Variants in ZMIZ1 observed in about 807,000 individuals in gnomAD.
ZMIZ1 encodes zinc finger MIZ domain-containing protein 1.
Under a neutral mutation model 113.9 loss-of-function variants are expected in ZMIZ1, and 17 were observed. That is an observed-to-expected ratio of 0.15 (90% confidence interval 0.10 to 0.22). The LOEUF (loss-of-function observed/expected upper bound fraction) is 0.22. Ranked by LOEUF, ZMIZ1 falls within the 10% of genes least tolerant of loss-of-function variation. The pLI is 1.00. For synonymous variants in ZMIZ1, 607 were observed against 603.1 expected (o/e 1.01, Z -0.09); for missense variants, 1,059 against 1,477.8 (o/e 0.72, Z 4.65).
At chr10:79,305,371 C>T (rs1854617038) in intron 20 of ZMIZ1, 140 bp downstream of exon 20, 1 of 1,215,850 alleles carries the variant, frequency 8.2e-7, no homozygotes, top group South Asian at 1.3e-5. Context: ...ATGGGGGCTC[C>T]AGGTGGTCCC....
chr10:79,303,454 CAAAAAAAA>C (rs34154193), intron 18 of ZMIZ1, among the ~76,000 whole-genome samples: 6 of 65,930 alleles, frequency 9.1e-5, no homozygotes, highest in African/African-American at 3.7e-4. Flanking sequence ...GACACTGCCA[CAAAAAAAA>C]AAAAAAAAAA....
At chr10:79,086,190 C>T (rs1030138452) in intron 1 of ZMIZ1, among the ~76,000 whole-genome samples, 16 of 152,188 alleles carry the variant, frequency 1.1e-4, no homozygotes, top group Non-Finnish European at 1.9e-4. Context: ...CGGGGATTTG[C>T]ACTTCACCGT....
At chr10:79,246,331 C>T (rs1850194382) in intron 7 of ZMIZ1, among the ~76,000 whole-genome samples, 1 of 152,240 alleles carries the variant, frequency 6.6e-6, no homozygotes. Flanking sequence ...TGAAGTCATC[C>T]ATTGATCGGG....
chr10:79,210,824 T>G (rs917955879), intron 6 of ZMIZ1, among the ~76,000 whole-genome samples: 2 of 152,120 alleles, frequency 1.3e-5, no homozygotes, highest in South Asian at 2.1e-4. Context: ...GCAGGAGCTC[T>G]GAAGGGAGCA....
At chr10:79,306,836 A>G (rs1209975807) in intron 22 of ZMIZ1, among the ~76,000 whole-genome samples, 1 of 152,262 alleles carries the variant, frequency 6.6e-6, no homozygotes. Context: ...TTAGGTCCCC[A>G]TGAGAGGCCC....
intron 2 of ZMIZ1, among the ~76,000 whole-genome samples, chr10:79,137,429 G>A (rs1750896746): frequency 6.6e-6 from 1 of 152,216 alleles, no homozygotes; most frequent in Non-Finnish European, 1.5e-5. Flanking sequence ...GAGGCTTAGT[G>A]GCCAGCCCTG....
chr10:79,309,186 T>G (rs1854939107), intron 23 of ZMIZ1, among the ~76,000 whole-genome samples: 1 of 152,234 alleles, frequency 6.6e-6, no homozygotes, highest in East Asian at 1.9e-4. Flanking sequence ...CAGATGCTGC[T>G]GCCCCCACAG....
At chr10:79,165,980 G>C (rs1428938675) in intron 4 of ZMIZ1, among the ~76,000 whole-genome samples, 2 of 149,928 alleles carry the variant, frequency 1.3e-5, no homozygotes, top group African/African-American at 2.5e-5. Flanking sequence ...GTGTGTGTGT[G>C]TGTGTGTGTG....
intron 7 of ZMIZ1, among the ~76,000 whole-genome samples, chr10:79,226,034 AAC>A (rs1849187303): frequency 6.6e-6 from 1 of 152,198 alleles, no homozygotes; most frequent in African/African-American, 2.4e-5. Flanking sequence ...AGGGCCTACA[AAC>A]ACATACACAT....
At chr10:79,223,807 A>C (rs1849090120) in intron 7 of ZMIZ1, among the ~76,000 whole-genome samples, 1 of 152,274 alleles carries the variant, frequency 6.6e-6, no homozygotes, top group East Asian at 1.9e-4. Flanking sequence ...GGCCTGGGCC[A>C]GGGGCCCTGG....
chr10:79,231,471 T>C (rs1849390116), intron 7 of ZMIZ1, among the ~76,000 whole-genome samples: 2 of 152,202 alleles, frequency 1.3e-5, no homozygotes, highest in Admixed American at 1.3e-4. Context: ...CTTGAACTCC[T>C]GAACTCAGGT....
At chr10:79,254,449 G>A (rs968042774) in intron 7 of ZMIZ1, among the ~76,000 whole-genome samples, 5 of 152,244 alleles carry the variant, frequency 3.3e-5, no homozygotes, top group Admixed American at 6.5e-5. Context: ...CGGGCTGGAC[G>A]GCCCTTGGCC....
intron 7 of ZMIZ1, among the ~76,000 whole-genome samples, chr10:79,218,674 G>A (rs557009206): frequency 6.6e-6 from 1 of 152,016 alleles, no homozygotes; most frequent in African/African-American, 2.4e-5. Context: ...AGTGAAGGAT[G>A]GCAAGGGGGT....
chr10:79,295,873 T>TTA (rs1343318115), intron 12 of ZMIZ1: 4 of 152,380 alleles, frequency 2.6e-5, no homozygotes, highest in African/African-American at 9.7e-5. Context: ...TCTCTCCTCT[T>TTA]CTCTAAATTG....
intron 1 of ZMIZ1, among the ~76,000 whole-genome samples, chr10:79,095,215 G>A (rs923464293): frequency 7.2e-5 from 11 of 152,204 alleles, no homozygotes; most frequent in Non-Finnish European, 1.6e-4. Flanking sequence ...ATATGCTCAT[G>A]TACACTTAGT....
chr10:79,148,551 C>T (rs974381104), intron 3 of ZMIZ1, among the ~76,000 whole-genome samples: 3 of 152,222 alleles, frequency 2.0e-5, no homozygotes, highest in Non-Finnish European at 4.4e-5. Flanking sequence ...TAGGAAACGC[C>T]TGTCCGGAAA....
intron 1 of ZMIZ1, among the ~76,000 whole-genome samples, chr10:79,106,361 A>G (rs1376630610): frequency 6.6e-6 from 1 of 152,244 alleles, no homozygotes; most frequent in African/African-American, 2.4e-5. Context: ...CTGGAGTGCT[A>G]TACAGAATAG....
intron 4 of ZMIZ1, among the ~76,000 whole-genome samples, chr10:79,165,966 G>GTCTGGGCTCTTCCTGCAGCTCAGC (rs1564692752): frequency 6.8e-6 from 1 of 146,462 alleles, no homozygotes; most frequent in African/African-American, 2.6e-5. Flanking sequence ...GTGTGTGTGT[G>GTCTGGGCTCTTCCTGCAGCTCAGC]TGTGTGTGTG....
chr10:79,297,620 A>G lies in ZMIZ1; in HGVS notation c.1421A>G (p.Gln474Arg). ...VNMGQYYKPE[Q>R]FNGQNNTFSG... ...TTTATCTTGTTTTAATAGCCAGAAC[A>G]GTTTAATGGACAAAATAACACGTTC... Residue 474 changes from glutamine (Q) to arginine (R), a missense_variant, in exon 14 of 25, where the codon CAG (glutamine) becomes CGG (arginine). By Grantham distance (43) the Gln-to-Arg change is conservative. Coordinates refer to ENST00000334512, the MANE Select transcript of ZMIZ1 (RefSeq NM_020338.4). The G allele has an allele frequency of 6.2e-7, 1 of 1,614,036 alleles. No homozygotes were observed. Among genetic ancestry groups the G allele is most frequent in the Non-Finnish European group, 8.5e-7 (1 of 1,179,948 alleles).
Sources: allele counts gnomAD v4.1 joint callset (sites outside exome capture counted in the v4.1 genomes callset), GRCh38; gene constraint gnomAD v4.1.1; transcripts MANE v1.5; gene names NCBI Gene and HGNC (gene_info 2026-07-23, HGNC 2026-07-21).